BRD10: variants seen among roughly 807,000 people sequenced by gnomAD.
BRD10 encodes the protein uncharacterized bromodomain-containing protein 10.
the BRD10 span, among the ~76,000 whole-genome samples, chr9:5,884,400 C>G: frequency 6.6e-6 from 1 of 152,190 alleles, no homozygotes; most frequent in Non-Finnish European, 1.5e-5. Context: ...GCCTGCCACT[C>G]CCTTTCTTGC....
the BRD10 span, chr9:6,007,401 G>A: frequency 4.3e-6 from 7 of 1,609,300 alleles, no homozygotes; most frequent in African/African-American, 5.3e-5. Context: ...GCTGCTGCGG[G>A]AAGGCGCGAC....
At chr9:5,918,066 A>G in the BRD10 span, among the ~76,000 whole-genome samples, 1 of 152,232 alleles carries the variant, frequency 6.6e-6, no homozygotes, top group African/African-American at 2.4e-5. Context: ...TGCACTTGAA[A>G]TATCACCCAC....
the BRD10 span, among the ~76,000 whole-genome samples, chr9:5,939,942 ACT>A: frequency 1.3e-5 from 2 of 152,090 alleles, no homozygotes; most frequent in East Asian, 3.9e-4. Flanking sequence ...CTTATACAGA[ACT>A]CTGTGACCAA....
chr9:5,910,874 A>G, the BRD10 span, among the ~76,000 whole-genome samples: 7 of 152,336 alleles, frequency 4.6e-5, no homozygotes, highest in African/African-American at 1.7e-4. Context: ...TTAAGGATGG[A>G]AGGTCACATG....
At chr9:6,001,836 C>T in the BRD10 span, among the ~76,000 whole-genome samples, 1 of 152,162 alleles carries the variant, frequency 6.6e-6, no homozygotes, top group South Asian at 2.1e-4. Flanking sequence ...TATACATCCT[C>T]AAAGTATGCT....
chr9:5,919,057 G>A, the BRD10 span: 1 of 152,556 alleles, frequency 6.6e-6, no homozygotes, highest in Non-Finnish European at 1.5e-5. Flanking sequence ...AGATTCTTCT[G>A]CATTGTTGCT....
At chr9:5,957,626 GA>G in the BRD10 span, among the ~76,000 whole-genome samples, 1 of 151,946 alleles carries the variant, frequency 6.6e-6, no homozygotes, top group Non-Finnish European at 1.5e-5. Flanking sequence ...TCAAATTTTT[GA>G]AAGGGATGTA....
chr9:6,005,344 C>A, the BRD10 span, among the ~76,000 whole-genome samples: 1 of 151,352 alleles, frequency 6.6e-6, no homozygotes, highest in Non-Finnish European at 1.5e-5. Flanking sequence ...AACCCCATCT[C>A]TACCAAAAAT....
the BRD10 span, among the ~76,000 whole-genome samples, chr9:5,879,993 C>G: frequency 6.6e-6 from 1 of 152,180 alleles, no homozygotes; most frequent in Non-Finnish European, 1.5e-5. Flanking sequence ...GATCTCAGCT[C>G]ACTGCAACCT....
chr9:5,904,923 G>A, the BRD10 span, among the ~76,000 whole-genome samples: 23 of 151,916 alleles, frequency 1.5e-4, no homozygotes, highest in African/African-American at 4.6e-4. Context: ...ACAGGTGCCC[G>A]CTACCATGCC....
chr9:6,008,165 C>T, the BRD10 span: 1 of 976,594 alleles, frequency 1.0e-6, no homozygotes, highest in Non-Finnish European at 1.2e-6. Flanking sequence ...CCCGGGCCAG[C>T]GGGGGGCTGG....
At chr9:6,000,188 T>C in the BRD10 span, among the ~76,000 whole-genome samples, 1 of 152,246 alleles carries the variant, frequency 6.6e-6, no homozygotes, top group Non-Finnish European at 1.5e-5. Flanking sequence ...ACATACTTAA[T>C]ATTCTGACTG....
At chr9:5,917,867 A>G in the BRD10 span, among the ~76,000 whole-genome samples, 8 of 152,126 alleles carry the variant, frequency 5.3e-5, no homozygotes, top group African/African-American at 1.7e-4. Flanking sequence ...AAAGAGAGAG[A>G]TTTAGTGGTT....
At chr9:5,960,584 A>T in the BRD10 span, among the ~76,000 whole-genome samples, 1 of 151,844 alleles carries the variant, frequency 6.6e-6, no homozygotes, top group South Asian at 2.1e-4. Context: ...AAAAGAAAAG[A>T]AAAGACAATA....
the BRD10 span, among the ~76,000 whole-genome samples, chr9:5,982,175 A>G: frequency 6.6e-6 from 1 of 152,202 alleles, no homozygotes; most frequent in Non-Finnish European, 1.5e-5. Context: ...ATGCATGGAA[A>G]TGACCACTTT....
chr9:5,956,300 G>A, the BRD10 span, among the ~76,000 whole-genome samples: 2 of 152,026 alleles, frequency 1.3e-5, no homozygotes, highest in African/African-American at 2.4e-5. Context: ...GTGGTTACTT[G>A]GTATTTCAGT....
At chr9:5,968,201 AGTTT>A in the BRD10 span, 1 of 1,612,226 alleles carries the variant, frequency 6.2e-7, no homozygotes, top group Non-Finnish European at 8.5e-7. Context: ...CATTTTAGTT[AGTTT>A]GAGTTTCTTG....
chr9:5,950,019 C>A, the BRD10 span, among the ~76,000 whole-genome samples: 1 of 152,046 alleles, frequency 6.6e-6, no homozygotes, highest in African/African-American at 2.4e-5. Context: ...ACTAAAAAAT[C>A]CAACAATTTC....
At chr9:5,924,959 G>C in the BRD10 span, 10 of 755,162 alleles carry the variant, frequency 1.3e-5, no homozygotes, top group Non-Finnish European at 1.9e-5. Context: ...TAAGTCACTA[G>C]AAATGCTTTA....
Sources: gnomAD v4.1 joint callset for allele counts (sites outside exome capture counted in the v4.1 genomes callset) on GRCh38, gnomAD v4.1.1 for gene constraint, MANE v1.5 for transcripts, NCBI Gene and HGNC (gene_info 2026-07-23, HGNC 2026-07-21) for gene names.